The following DHH variants were observed in gnomAD, a reference collection of about 807,000 sequenced individuals.
DHH encodes desert hedgehog signaling molecule.
Under a neutral mutation model 27.6 loss-of-function variants are expected in DHH, and 16 were observed. The observed-to-expected ratio is 0.58, with a 90% CI of 0.39 to 0.88. The LOEUF (loss-of-function observed/expected upper bound fraction) is 0.88, where lower values mean the gene tolerates loss of function less well. DHH is among the 40% of genes least tolerant of loss of function. DHH has a pLI of 0.00. For missense variants in DHH, 436 were observed against 563.1 expected (o/e 0.77, Z 2.28); for synonymous variants, 289 against 263.4 (o/e 1.10, Z -0.94).
In DHH at chr12:49,087,379, T is replaced by C. The variant is rs1012674844; in HGVS notation, c.*2480A>G. ...TAACTTATTACAGTGCTAGGAATCA[T>C]CACCATTATGATTTTATGGTTAAAG... On this transcript the variant is annotated 3_prime_UTR_variant, in exon 3 of 3. Transcript: ENST00000649637. Among the ~76,000 whole-genome samples the C allele has an allele frequency of 1.3e-5, 2 of 152,214 alleles. No individual in the cohort carries two copies. Among genetic ancestry groups the C allele is most frequent in the Admixed American group, 6.5e-5 (1 of 15,280 alleles).
rs928205467 is a variant in DHH, at chr12:49,094,746, G to C, written c.-234C>G. 4 of 609,810 alleles carry C rather than the reference G, an allele frequency of 6.6e-6. No homozygotes were observed. In the African/African-American group the frequency reaches 7.4e-5, roughly 11 times the overall value. 37.8% of individuals were successfully genotyped at this position (609,810 alleles called of 1,614,324 possible). Reference sequence around the variant, plus strand: ...CAAACCATCATAGCAGGGAAGGGGGGTCGTGGGTGAGTGCCAGCCCAGCCC... The same window carrying C: ...CAAACCATCATAGCAGGGAAGGGGGCTCGTGGGTGAGTGCCAGCCCAGCCC... On this transcript the variant is annotated 5_prime_UTR_variant, in exon 1 of 3. Coordinates refer to ENST00000649637, the MANE Select transcript of DHH (RefSeq NM_021044.4).
chr12:49,094,466 A>G lies in DHH; in HGVS notation c.47T>C (p.Leu16Pro). ...NLLPLCCLALLALPAQSCGPG... is the reference protein window; with the variant it reads ...NLLPLCCLALPALPAQSCGPG... ...CCCGCAGCTCTGGGCTGGCAGCGCC[A>G]GAAGTGCCAAGCAGCACAGGGGCAG... The change falls in exon 1 of 3, where the codon CTG (leucine) becomes CCG (proline). Residue 16 changes from leucine to proline, a missense_variant. Coordinates refer to ENST00000649637, the MANE Select transcript of DHH (RefSeq NM_021044.4). 6.3e-7 allele frequency: 1 copy of G among 1,582,746 alleles called. No individual in the cohort carries two copies. The highest frequency in any genetic ancestry group is 8.6e-7 in the Non-Finnish European group (1 of 1,164,748).
In DHH at chr12:49,089,594, A is replaced by T; in HGVS notation, c.*265T>A. 1 of 371,940 alleles carries T rather than the reference A, an allele frequency of 2.7e-6. No homozygotes were observed. Among genetic ancestry groups the T allele is most frequent in the Non-Finnish European group, 4.8e-6 (1 of 209,886 alleles). The allele number at this position is 371,940 out of a possible 1,614,324, so 23.0% of individuals were successfully genotyped here. Reference sequence around the variant, plus strand: ...ACAATTTATAAATAAGAAATAAAATAAAATTATCGGGTGGGGCTGAAGCAC... The same window carrying T: ...ACAATTTATAAATAAGAAATAAAATTAAATTATCGGGTGGGGCTGAAGCAC... On this transcript the variant is annotated 3_prime_UTR_variant, in exon 3 of 3. Transcript: ENST00000649637.
At chr12:49,093,750 C>T (rs1293351989) in intron 1 of DHH, among the ~76,000 whole-genome samples, 1 of 152,182 alleles carries the variant, frequency 6.6e-6, no homozygotes, top group Admixed American at 6.5e-5. Flanking sequence ...CCCTTGGCCA[C>T]CCCTGTCCCA....
rs1037129013 is a variant in DHH at position 49,090,491 on chromosome 12, G to C, written c.566-7C>G. 1 of 1,599,014 alleles carries C rather than the reference G, an allele frequency of 6.3e-7. No homozygotes were observed. The highest frequency in any genetic ancestry group is 1.1e-5 in the South Asian group (1 of 90,788). On this transcript the variant is annotated splice_polypyrimidine_tract_variant and splice_region_variant and intron_variant, in intron 2 of 2. Transcript: ENST00000649637. The surrounding 1 kb of genome is among the most constrained non-coding windows in gnomAD (Gnocchi z 5.2). The stretch of plus-strand genomic sequence containing the variant: ...CGGACCGCCAGTGAGTTATCTGCAG[G>C]GAACAACCACAGGGAGGATTGAATC...
chr12:49,093,817 G>A (rs986148040), intron 1 of DHH, among the ~76,000 whole-genome samples: 2 of 152,094 alleles, frequency 1.3e-5, no homozygotes, highest in South Asian at 4.1e-4. Flanking sequence ...CAGGTCAGGA[G>A]CCAGGCTTCT....
chr12:49,091,193 A>T lies in DHH; in HGVS notation c.500T>A (p.Val167Glu). Residue 167 changes from valine to glutamate, a missense_variant, in exon 2 of 3, where the codon GTG (valine) becomes GAG (glutamate). Coordinates refer to ENST00000649637, the MANE Select transcript of DHH (RefSeq NM_021044.4). The surrounding 1 kb of genome is among the most constrained non-coding windows in gnomAD (Gnocchi z 4.8). ...NKYGLLARLA[V>E]EAGFDWVYYE... ...GTAGACCCAGTCGAAGCCGGCTTCC[A>T]CTGCGAGGCGCGCCAGCAACCCATA... The T allele has an allele frequency of 6.2e-7, 1 of 1,614,238 alleles. No homozygotes were observed. Among genetic ancestry groups the T allele is most frequent in the African/African-American group, 1.3e-5 (1 of 75,056 alleles).
At chr12:49,094,128 C>A in intron 1 of DHH, 82 bp downstream of exon 1, 1 of 1,496,702 alleles carries the variant, frequency 6.7e-7, no homozygotes, top group East Asian at 2.3e-5. Context: ...GTAGGTGAAG[C>A]TGGACTCACC....
At position 49,091,976 on chromosome 12, in the gene DHH, T is replaced by TG. The variant is rs1050606245; in HGVS notation, c.304-588dup. Among the ~76,000 whole-genome samples, 11 of 152,042 alleles carry TG rather than the reference T, an allele frequency of 7.2e-5. No homozygotes were observed. Among genetic ancestry groups the TG allele is most frequent in the African/African-American group, 2.7e-4 (11 of 41,468 alleles). On this transcript the variant is annotated intron_variant, in intron 1 of 2. Transcript: ENST00000649637. This position sits in a 1 kb window ranked among gnomAD's most constrained non-coding sequence, Gnocchi z 4.8. ...GGATCAAGGCTGCTGGAAAAAGGAT[T>TG]GGGGTGGCGGGGGTTGCGCGAAGTA... is the stretch of plus-strand genomic sequence containing the variant.
At position 49,090,704 on chromosome 12, in the gene DHH, TATGTATG is replaced by T. The variant is rs1191153224; in HGVS notation, c.566-227_566-221del. On this transcript the variant is annotated intron_variant, in intron 2 of 2. Transcript: ENST00000649637. This position sits in a 1 kb window ranked among gnomAD's most constrained non-coding sequence, Gnocchi z 5.2. ...GTATGTATGTATGTATGTATGTATG[TATGTATG>T]TATTTTGAGATAGAATCTCGCTCTG... Among the ~76,000 whole-genome samples, 253 of 150,994 alleles carry T rather than the reference TATGTATG, an allele frequency of 1.7e-3. 2 individuals are homozygous for T. In the South Asian group the frequency reaches 0.022, roughly 13 times the overall value.
At position 49,087,854 on chromosome 12, in the gene DHH, AAG is replaced by A. The variant is rs565658747; in HGVS notation, c.*2003_*2004del. On this transcript the variant is annotated 3_prime_UTR_variant, in exon 3 of 3. Coordinates refer to ENST00000649637, the MANE Select transcript of DHH (RefSeq NM_021044.4). ...ACAGGAAGGCACCAGATCTGATAAA[AAG>A]AGACAAGGGCAGGTTTAGAAAGTAG... 1.3e-3 allele frequency among the ~76,000 whole-genome samples: 195 copies of A among 152,318 alleles called. No individual in the cohort carries two copies. Among genetic ancestry groups the A allele is most frequent in the African/African-American group, 4.5e-3 (185 of 41,560 alleles).
chr12:49,093,741 C>A (rs1939343962), intron 1 of DHH, among the ~76,000 whole-genome samples: 1 of 152,160 alleles, frequency 6.6e-6, no homozygotes, highest in South Asian at 2.1e-4. Context: ...GTGACCTGAC[C>A]CTTGGCCACC....
At chr12:49,093,780 T>C (rs1306853994) in intron 1 of DHH, among the ~76,000 whole-genome samples, 1 of 152,140 alleles carries the variant, frequency 6.6e-6, no homozygotes, top group Non-Finnish European at 1.5e-5. Context: ...AGTCTCTTCT[T>C]TTCGGCCCAC....
chr12:49,087,077 G>A lies in DHH; in HGVS notation c.*2782C>T, dbSNP rs1308551278. 2.6e-5 allele frequency among the ~76,000 whole-genome samples: 4 copies of A among 152,150 alleles called. No individual in the cohort carries two copies. Among genetic ancestry groups the A allele is most frequent in the Admixed American group, 1.3e-4 (2 of 15,262 alleles). Reference sequence around the variant, plus strand: ...CTGGCTTCTAAGCCAAATCATCATCGCCTATTTTGTTGATGGTGAAAGGTG... The same window carrying A: ...CTGGCTTCTAAGCCAAATCATCATCACCTATTTTGTTGATGGTGAAAGGTG... On this transcript the variant is annotated 3_prime_UTR_variant, in exon 3 of 3. Coordinates refer to ENST00000649637, the MANE Select transcript of DHH (RefSeq NM_021044.4).
At position 49,090,636 on chromosome 12, in the gene DHH, CTTTCT is replaced by C. The variant is rs2120825177; in HGVS notation, c.566-157_566-153del. ...GGGCAGAAAAGGAAGGGCGGTTTTT[CTTTCT>C]TTTCTTTTCCTTTTTCTTCTCTTTT... On this transcript the variant is annotated intron_variant, in intron 2 of 2. Transcript: ENST00000649637. The surrounding 1 kb of genome is among the most constrained non-coding windows in gnomAD (Gnocchi z 5.2). 5.1e-6 allele frequency: 5 copies of C among 971,184 alleles called. No individual in the cohort carries two copies. Among genetic ancestry groups the C allele is most frequent in the Non-Finnish European group, 1.5e-6 (1 of 660,022 alleles). The allele number at this position is 971,184 out of a possible 1,614,324, so 60.2% of individuals were successfully genotyped here. A position where few individuals can be genotyped will look rare whatever the true frequency, so the allele number is the denominator to read the frequency against.
In DHH at chr12:49,089,920, G is replaced by C; in HGVS notation, c.1130C>G (p.Pro377Arg). ...CCGAGAGTACCAATGCATGCCAGTC[G>C]GCTGGACGGCCCCGCCGGGGAGCAG... ...GALLPGGAVQ[P>R]TGMHWYSRLL... Residue 377 changes from proline to arginine, a missense_variant, in exon 3 of 3, where the codon CCG becomes CGG. Transcript: ENST00000649637. 3 of 1,590,544 alleles carry C rather than the reference G, an allele frequency of 1.9e-6. No individual in the cohort carries two copies. Among genetic ancestry groups the C allele is most frequent in the Non-Finnish European group, 2.6e-6 (3 of 1,169,440 alleles).
At position 49,090,261 on chromosome 12, in the gene DHH, G is replaced by A; in HGVS notation, c.789C>T (p.Arg263=). ...FVAVETEWPP[R]KLLLTPWHLV... is the part of the protein sequence containing the mutation. ...GGTGCCAGGGCGTGAGCAACAGTTT[G>A]CGTGGAGGCCACTCGGTCTCCACAG... Residue 263 remains arginine, a synonymous_variant, in exon 3 of 3, where the codon CGC becomes CGT. Transcript: ENST00000649637. This position sits in a 1 kb window ranked among gnomAD's most constrained non-coding sequence, Gnocchi z 5.2. The A allele has an allele frequency of 6.4e-7, 1 of 1,569,926 alleles. No individual in the cohort carries two copies.
chr12:49,093,467 A>C (rs1478503632), intron 1 of DHH, among the ~76,000 whole-genome samples: 3 of 152,144 alleles, frequency 2.0e-5, no homozygotes, highest in Admixed American at 6.5e-5. Flanking sequence ...CAATGCTCAA[A>C]AATGGTAGTT....
In DHH at chr12:49,088,763, A is replaced by C. The variant is rs1019257396; in HGVS notation, c.*1096T>G. ...GCCAGTAGAAACAACAATCAGGGCCAGCGATCAGGAGGGGAGCTCGGGTTG... is the reference window on the plus strand; with the variant it reads ...GCCAGTAGAAACAACAATCAGGGCCCGCGATCAGGAGGGGAGCTCGGGTTG... On this transcript the variant is annotated 3_prime_UTR_variant, in exon 3 of 3. Coordinates refer to ENST00000649637, the MANE Select transcript of DHH (RefSeq NM_021044.4). Among the ~76,000 whole-genome samples, 2 of 152,216 alleles carry C rather than the reference A, an allele frequency of 1.3e-5. No individual in the cohort carries two copies. Among genetic ancestry groups the C allele is most frequent in the African/African-American group, 2.4e-5 (1 of 41,460 alleles).
Sources: gnomAD v4.1 joint callset for allele counts (sites outside exome capture counted in the v4.1 genomes callset) on GRCh38, gnomAD v4.1.1 for gene constraint, Gnocchi (gnomAD v3.1) non-coding constraint, MANE v1.5 for transcripts, NCBI Gene and HGNC (gene_info 2026-07-23, HGNC 2026-07-21) for gene names.